Variants in PKN2 observed in about 807,000 individuals in gnomAD.
PKN2 encodes protein kinase N2.
Under a neutral mutation model 119.1 loss-of-function variants are expected in PKN2, and 38 were observed. The ratio of observed to expected loss-of-function variants is 0.32; its 90% CI spans 0.25 to 0.42. The LOEUF (loss-of-function observed/expected upper bound fraction) is 0.42. PKN2 is among the 10% of genes least tolerant of loss of function. The pLI, the probability that PKN2 is intolerant of heterozygous loss-of-function variation, is 1.00. For synonymous variants in PKN2, 390 were observed against 384.9 expected, an observed-to-expected ratio of 1.01 and a Z score of -0.15; for missense variants, 850 against 1,165.1, an observed-to-expected ratio of 0.73 and a Z score of 3.94.
chr1:88,781,334 AT>A (rs1267186887), intron 6 of PKN2, among the ~76,000 whole-genome samples: 1 of 152,018 alleles, frequency 6.6e-6, no homozygotes, highest in Non-Finnish European at 1.5e-5. Context: ...GTTTTGAGAA[AT>A]TTACTAGTTT....
chr1:88,819,053 A>G (rs939578064), intron 16 of PKN2, among the ~76,000 whole-genome samples: 6 of 152,156 alleles, frequency 3.9e-5, no homozygotes, highest in South Asian at 2.1e-4. Flanking sequence ...AGACTTGAAC[A>G]TAAGACTCAA....
chr1:88,808,917 C>T (rs1671670297), intron 15 of PKN2, among the ~76,000 whole-genome samples: 1 of 152,146 alleles, frequency 6.6e-6, no homozygotes, highest in African/African-American at 2.4e-5. Flanking sequence ...TTTCACTGAA[C>T]ATCTTTAAGC....
intron 6 of PKN2, among the ~76,000 whole-genome samples, chr1:88,778,470 C>G (rs1312199458): frequency 6.6e-6 from 1 of 152,234 alleles, no homozygotes; most frequent in Non-Finnish European, 1.5e-5. Flanking sequence ...GTTCTCAGAT[C>G]TCTTCCGAGG....
At chr1:88,764,865 G>A (rs1669596053) in intron 3 of PKN2, among the ~76,000 whole-genome samples, 2 of 151,964 alleles carry the variant, frequency 1.3e-5, no homozygotes, top group African/African-American at 4.8e-5. Context: ...GATCTCTGGG[G>A]GCTTGATAAG....
chr1:88,687,373 T>C (rs540789922), intron 1 of PKN2, among the ~76,000 whole-genome samples: 158 of 152,338 alleles, frequency 1.0e-3, no homozygotes, highest in African/African-American at 3.7e-3. Flanking sequence ...ATGGCCAATT[T>C]CTAATTTTTA....
chr1:88,820,213 T>A (rs1288586152), intron 16 of PKN2, among the ~76,000 whole-genome samples: 2 of 90,672 alleles, frequency 2.2e-5, no homozygotes, highest in Non-Finnish European at 4.2e-5. Context: ...TATATATATA[T>A]ATATATATAT....
chr1:88,772,945 G>C (rs1669953699), intron 6 of PKN2, among the ~76,000 whole-genome samples: 1 of 152,010 alleles, frequency 6.6e-6, no homozygotes, highest in African/African-American at 2.4e-5. Context: ...TCTCCCTTCA[G>C]TTATGTAAAT....
At chr1:88,738,724 C>T (rs577765395) in intron 1 of PKN2, among the ~76,000 whole-genome samples, 27 of 152,330 alleles carry the variant, frequency 1.8e-4, no homozygotes, top group Non-Finnish European at 3.1e-4. Context: ...TCTGCGAAAG[C>T]AGTTCATAAA....
At chr1:88,697,774 C>T (rs1666601411) in intron 1 of PKN2, among the ~76,000 whole-genome samples, 1 of 152,110 alleles carries the variant, frequency 6.6e-6, no homozygotes, top group Non-Finnish European at 1.5e-5. Context: ...GTGATTTTTC[C>T]TCACCTGTAT....
chr1:88,829,197 A>G, intron 19 of PKN2: 1 of 737,810 alleles, frequency 1.4e-6, no homozygotes, highest in East Asian at 2.5e-5. Context: ...ATTTATTGTA[A>G]AAACAGAACG....
intron 1 of PKN2, among the ~76,000 whole-genome samples, chr1:88,711,574 T>G (rs1482122761): frequency 6.6e-6 from 1 of 152,216 alleles, no homozygotes; most frequent in African/African-American, 2.4e-5. Context: ...TTCATATTAA[T>G]GAGGTGTTTG....
chr1:88,805,701 A>T (rs762983557), intron 11 of PKN2, 30 bp downstream of exon 11: 1 of 1,610,428 alleles, frequency 6.2e-7, no homozygotes, highest in East Asian at 2.2e-5. Flanking sequence ...AGCATCTCTT[A>T]TACAAAGTTA....
chr1:88,835,900 T>C lies in PKN2; in HGVS notation c.*2452T>C, dbSNP rs1475377001. On this transcript the variant is annotated 3_prime_UTR_variant, in exon 22 of 22. Transcript: ENST00000370521. Reference sequence around the variant, plus strand: ...TTCAAAATCTCAAAGACTAATTAACTTTAATAAACATTCTTGCAAGTACTT... The same window carrying C: ...TTCAAAATCTCAAAGACTAATTAACCTTAATAAACATTCTTGCAAGTACTT... 2 of 152,192 alleles carry C rather than the reference T, an allele frequency of 1.3e-5. No homozygotes were observed. The highest frequency in any genetic ancestry group is 4.8e-5 in the African/African-American group (2 of 41,458). 9.4% of individuals were successfully genotyped at this position (152,192 alleles called of 1,614,324 possible).
chr1:88,773,466 T>G (rs577089474), intron 6 of PKN2, among the ~76,000 whole-genome samples: 14 of 152,272 alleles, frequency 9.2e-5, no homozygotes, highest in Admixed American at 6.5e-4. Flanking sequence ...CTGGCTAATT[T>G]CTGTATTTTT....
chr1:88,805,576 A>G lies in PKN2; in HGVS notation c.1581A>G (p.Thr527=), dbSNP rs767410746. ...GGCTAGTAAGAAGAGCTATTCCTAC[A>G]GTAAATCATTCTGGCACCTTCAGCC... ...WGRLVRRAIP[T]VNHSGTFSPQ... is the part of the protein sequence containing the mutation. The change falls in exon 11 of 22, where the codon ACA becomes ACG. Residue 527 remains threonine (T), a synonymous_variant. Transcript: ENST00000370521. 1 of 1,614,098 alleles carries G rather than the reference A, an allele frequency of 6.2e-7. No individual in the cohort carries two copies.
At chr1:88,773,334 T>C (rs984477250) in intron 6 of PKN2, among the ~76,000 whole-genome samples, 2 of 152,098 alleles carry the variant, frequency 1.3e-5, no homozygotes, top group Non-Finnish European at 2.9e-5. Flanking sequence ...GTAGCTGGGA[T>C]TACAGGCATG....
chr1:88,687,085 C>T (rs557859139), intron 1 of PKN2, among the ~76,000 whole-genome samples: 8 of 152,144 alleles, frequency 5.3e-5, no homozygotes, highest in African/African-American at 1.7e-4. Context: ...TCCAGCTTTT[C>T]ATTATTTTTT....
Position 88,771,643 on chromosome 1 carries a change from T to C in PKN2, c.769-20T>C. ...TATGTGATTATTTAAATGACAACAATTGTCTTTTCCCTGTGCAAGGCTCAA... is the reference window on the plus strand; with the variant it reads ...TATGTGATTATTTAAATGACAACAACTGTCTTTTCCCTGTGCAAGGCTCAA... On this transcript the variant is annotated intron_variant, in intron 5 of 21. Coordinates refer to ENST00000370521, the MANE Select transcript of PKN2 (RefSeq NM_006256.4). 1.9e-6 allele frequency: 3 copies of C among 1,605,116 alleles called. No homozygotes were observed. The highest frequency in any genetic ancestry group is 1.3e-5 in the African/African-American group (1 of 74,712).
intron 1 of PKN2, among the ~76,000 whole-genome samples, chr1:88,703,292 C>T (rs1479797173): frequency 6.6e-6 from 1 of 151,974 alleles, no homozygotes; most frequent in Non-Finnish European, 1.5e-5. Flanking sequence ...TCATATGTTA[C>T]AATAAAGTCT....
Sources: gnomAD v4.1 joint callset for allele counts (sites outside exome capture counted in the v4.1 genomes callset) on GRCh38, gnomAD v4.1.1 for gene constraint, MANE v1.5 for transcripts, NCBI Gene and HGNC (gene_info 2026-07-23, HGNC 2026-07-21) for gene names.